DRC1: variants seen among roughly 807,000 people sequenced by gnomAD.
DRC1 encodes the protein dynein regulatory complex subunit 1.
Under a neutral mutation model 98.7 loss-of-function variants are expected in DRC1, and 74 were observed. That is an observed-to-expected ratio of 0.75 (90% confidence interval 0.62 to 0.91). The LOEUF (loss-of-function observed/expected upper bound fraction) is 0.91. Ranked by LOEUF, DRC1 falls within the 40% of genes least tolerant of loss-of-function variation. DRC1 has a pLI of 0.00. For synonymous variants in DRC1, 336 were observed against 334.1 expected, an observed-to-expected ratio of 1.01 and a Z score of -0.06; for missense variants, 875 against 886.0, an observed-to-expected ratio of 0.99 and a Z score of 0.16.
intron 1 of DRC1, among the ~76,000 whole-genome samples, chr2:26,411,634 T>C (rs1678613912): frequency 6.6e-6 from 1 of 152,106 alleles, no homozygotes; most frequent in Non-Finnish European, 1.5e-5. Context: ...CCATCTTTAC[T>C]AGAAATACAA....
rs971649547 is a variant in DRC1 at position 26,423,549 on chromosome 2, C to T, written c.357-722C>T. On this transcript the variant is annotated intron_variant, in intron 3 of 16. Coordinates refer to ENST00000288710, the MANE Select transcript of DRC1 (RefSeq NM_145038.5). ...GCCCCAGCCTCGGTGTGCTCTATCA[C>T]GGAGGTTCTTTGGAATTTATGGAAA... Among the ~76,000 whole-genome samples the T allele has an allele frequency of 7.9e-5, 12 of 152,176 alleles. No homozygotes were observed. In the East Asian group the frequency reaches 9.6e-4, roughly 12 times the overall value.
At chr2:26,444,607 C>T in intron 9 of DRC1, 109 bp from the exon 10 acceptor site, 3 of 1,158,890 alleles carry the variant, frequency 2.6e-6, no homozygotes, top group Non-Finnish European at 3.6e-6. Flanking sequence ...TGGGGCCAGG[C>T]CCAGGAATTA....
intron 2 of DRC1, among the ~76,000 whole-genome samples, chr2:26,415,653 C>T (rs937647948): frequency 1.2e-4 from 19 of 152,078 alleles, no homozygotes; most frequent in Admixed American, 9.8e-4. Context: ...TGAGCTCAGC[C>T]GGGCGCGGTG....
At chr2:26,435,187 GGA>G (rs1423745519) in intron 7 of DRC1, among the ~76,000 whole-genome samples, 1 of 152,144 alleles carries the variant, frequency 6.6e-6, no homozygotes, top group Non-Finnish European at 1.5e-5. Flanking sequence ...AAGCAGCTGT[GGA>G]GAAGCTTGTG....
At chr2:26,445,464 G>C (rs540709737) in intron 10 of DRC1, among the ~76,000 whole-genome samples, 5 of 152,088 alleles carry the variant, frequency 3.3e-5, no homozygotes, top group Non-Finnish European at 4.4e-5. Context: ...AATGGGTTGG[G>C]CCTCTAGCAT....
At chr2:26,437,838 C>G (rs1174903960) in intron 7 of DRC1, among the ~76,000 whole-genome samples, 1 of 151,794 alleles carries the variant, frequency 6.6e-6, no homozygotes, top group Non-Finnish European at 1.5e-5. Flanking sequence ...CCTGTAATCC[C>G]AGCACTTTGG....
At chr2:26,416,677 C>T (rs532379971) in intron 2 of DRC1, among the ~76,000 whole-genome samples, 1 of 152,174 alleles carries the variant, frequency 6.6e-6, no homozygotes, top group Non-Finnish European at 1.5e-5. Flanking sequence ...AAAGATCATC[C>T]TTTCCCCACT....
At chr2:26,422,218 G>C (rs1663164935) in intron 3 of DRC1, among the ~76,000 whole-genome samples, 1 of 152,202 alleles carries the variant, frequency 6.6e-6, no homozygotes, top group African/African-American at 2.4e-5. Context: ...CTTGGGAATG[G>C]CATGATAGCG....
At chr2:26,444,160 G>T in intron 8 of DRC1, 62 bp from the exon 9 acceptor site, 1 of 1,606,136 alleles carries the variant, frequency 6.2e-7, no homozygotes, top group South Asian at 1.1e-5. Flanking sequence ...TCAGGTGGAT[G>T]AGAGGAACAT....
chr2:26,411,178 T>C (rs1678596026), intron 1 of DRC1, among the ~76,000 whole-genome samples: 1 of 152,092 alleles, frequency 6.6e-6, no homozygotes, highest in Non-Finnish European at 1.5e-5. Flanking sequence ...TCTGAAACAG[T>C]TGCTTTGGAG....
In DRC1 at chr2:26,456,628, C is replaced by T. The variant is rs891813685; in HGVS notation, c.*111C>T. Reference sequence around the variant, plus strand: ...ACCTGGGCCTGCTCTCTGGATTTTCCAGGGCTGTCTTTATAGCCTGTCGAA... The same window carrying T: ...ACCTGGGCCTGCTCTCTGGATTTTCTAGGGCTGTCTTTATAGCCTGTCGAA... On this transcript the variant is annotated 3_prime_UTR_variant, in exon 17 of 17. Coordinates refer to ENST00000288710, the MANE Select transcript of DRC1 (RefSeq NM_145038.5). The T allele has an allele frequency of 9.9e-6, 13 of 1,317,824 alleles. No individual in the cohort carries two copies. In the African/African-American group the frequency reaches 1.9e-4, roughly 19 times the overall value. 81.6% of individuals were successfully genotyped at this position (1,317,824 alleles called of 1,614,324 possible).
chr2:26,435,682 CTA>C (rs1663550926), intron 7 of DRC1, among the ~76,000 whole-genome samples: 1 of 151,844 alleles, frequency 6.6e-6, no homozygotes, highest in Non-Finnish European at 1.5e-5. Flanking sequence ...TTTTCTGTTC[CTA>C]TGTTAGTTTG....
intron 2 of DRC1, among the ~76,000 whole-genome samples, chr2:26,417,529 A>C (rs552695155): frequency 1.3e-5 from 2 of 151,960 alleles, no homozygotes; most frequent in East Asian, 3.9e-4. Context: ...GGATTTCACC[A>C]TGTTGGCCAG....
At chr2:26,414,741 A>C (rs1316338079) in intron 2 of DRC1, among the ~76,000 whole-genome samples, 1 of 152,068 alleles carries the variant, frequency 6.6e-6, no homozygotes. Context: ...TTCCAAACAT[A>C]TCTCCTGTTT....
At chr2:26,408,211 C>A (rs1678485114) in intron 1 of DRC1, among the ~76,000 whole-genome samples, 1 of 152,160 alleles carries the variant, frequency 6.6e-6, no homozygotes, top group South Asian at 2.1e-4. Context: ...ATGCCTAGAA[C>A]CTTTCTCTCT....
intron 2 of DRC1, among the ~76,000 whole-genome samples, chr2:26,418,295 C>T (rs1377078872): frequency 6.6e-6 from 1 of 151,324 alleles, no homozygotes. Context: ...CAGATGGCCA[C>T]AGGGTATAGA....
intron 11 of DRC1, 143 bp downstream of exon 11, chr2:26,448,946 G>C: frequency 1.2e-6 from 1 of 824,616 alleles, no homozygotes; most frequent in East Asian, 2.4e-5. Context: ...GAGGAGCAGA[G>C]TCAGGATGGC....
Position 26,440,522 on chromosome 2 carries a change from G to C in DRC1, c.1028+5G>C, listed in dbSNP as rs199930749. 16 of 1,609,018 alleles carry C rather than the reference G, an allele frequency of 9.9e-6. No homozygotes were observed. The highest frequency in any genetic ancestry group is 1.4e-5 in the Non-Finnish European group (16 of 1,177,218). On this transcript the variant is annotated splice_donor_5th_base_variant and intron_variant, in intron 8 of 16. Transcript: ENST00000288710. Reference sequence around the variant, plus strand: ...GCAGAAGAGGAAGATCAATCGGTAAGCTAGCATGCAGAGCGTCTTTCTTCT... The same window carrying C: ...GCAGAAGAGGAAGATCAATCGGTAACCTAGCATGCAGAGCGTCTTTCTTCT...
At chr2:26,444,029 C>A (rs1053269745) in intron 8 of DRC1, among the ~76,000 whole-genome samples, 193 bp from the exon 9 acceptor site, 5 of 152,120 alleles carry the variant, frequency 3.3e-5, no homozygotes, top group Admixed American at 6.5e-5. Flanking sequence ...TCGTTTTGGA[C>A]TGTCCCAAGA....
Sources: allele counts gnomAD v4.1 joint callset (sites outside exome capture counted in the v4.1 genomes callset), GRCh38; gene constraint gnomAD v4.1.1; transcripts MANE v1.5; gene names NCBI Gene and HGNC (gene_info 2026-07-23, HGNC 2026-07-21).